PRUNE2: variants seen among roughly 807,000 people sequenced by gnomAD.
The protein encoded by PRUNE2 is prune homolog 2 with BCH domain, also known as protein prune homolog 2.
A neutral mutation model predicts 252.0 loss-of-function variants in PRUNE2; 164 were observed. That is an observed-to-expected ratio of 0.65 (90% CI 0.57 to 0.74). The LOEUF (loss-of-function observed/expected upper bound fraction) is 0.74. Ranked by LOEUF, PRUNE2 falls within the 30% of genes least tolerant of loss-of-function variation. PRUNE2 has a pLI of 0.00. For missense variants in PRUNE2, 3,495 were observed against 3,711.0 expected, an observed-to-expected ratio of 0.94 and a Z score of 1.51; for synonymous variants, 1,292 against 1,350.2, an observed-to-expected ratio of 0.96 and a Z score of 0.94.
At chr9:76,881,886 G>T (rs2061810953) in intron 1 of PRUNE2, among the ~76,000 whole-genome samples, 1 of 152,080 alleles carries the variant, frequency 6.6e-6, no homozygotes, top group African/African-American at 2.4e-5. Flanking sequence ...CTCCCAAAGT[G>T]CTGGGATTAC....
chr9:76,721,689 G>T (rs901955366), intron 6 of PRUNE2, among the ~76,000 whole-genome samples: 7 of 152,152 alleles, frequency 4.6e-5, no homozygotes, highest in Admixed American at 4.6e-4. Context: ...TAACTACCTT[G>T]CAAGCACAGT....
At chr9:76,836,682 A>G (rs1042586342) in intron 4 of PRUNE2, among the ~76,000 whole-genome samples, 2 of 152,182 alleles carry the variant, frequency 1.3e-5, no homozygotes, top group African/African-American at 2.4e-5. Context: ...CAACAGCAAG[A>G]CCTAGCTATT....
chr9:76,677,490 T>C (rs1178210894), intron 9 of PRUNE2, among the ~76,000 whole-genome samples: 2 of 152,202 alleles, frequency 1.3e-5, no homozygotes, highest in Admixed American at 6.5e-5. Flanking sequence ...TCCATCTGGA[T>C]GACCAAACCG....
chr9:76,755,269 C>T (rs2051031888), intron 6 of PRUNE2, among the ~76,000 whole-genome samples: 1 of 152,066 alleles, frequency 6.6e-6, no homozygotes, highest in Non-Finnish European at 1.5e-5. Context: ...TCTTTGATAC[C>T]TAAAGCACTG....
chr9:76,705,083 A>G lies in PRUNE2; in HGVS notation c.7191T>C (p.Asp2397=), dbSNP rs1237182635. The G allele has an allele frequency of 1.9e-6, 3 of 1,614,022 alleles. No homozygotes were observed. The Admixed American group carries it at 5.0e-5, about 27-fold the overall frequency. ...QSLAPYTPPF[D]LSYLTEPAQS... ...GGGCAGGTTCTGTGAGATAAGACAA[A>G]TCAAAGGGAGGTGTGTACGGTGCCA... Residue 2397 remains aspartate, a synonymous_variant, in exon 8 of 19, where the codon GAT becomes GAC. Coordinates refer to ENST00000376718, the MANE Select transcript of PRUNE2 (RefSeq NM_015225.3).
chr9:76,811,066 T>A (rs190703439), intron 6 of PRUNE2, among the ~76,000 whole-genome samples: 18 of 152,236 alleles, frequency 1.2e-4, no homozygotes, highest in African/African-American at 4.3e-4. Context: ...TGAGAAGAAG[T>A]AAGCAACAGC....
intron 9 of PRUNE2, among the ~76,000 whole-genome samples, chr9:76,690,983 G>T (rs1410107549): frequency 6.6e-6 from 1 of 152,124 alleles, no homozygotes; most frequent in Non-Finnish European, 1.5e-5. Context: ...CAATTCCATG[G>T]GTCATTTTTT....
chr9:76,830,203 T>A (rs182674960), intron 4 of PRUNE2, among the ~76,000 whole-genome samples: 1 of 152,164 alleles, frequency 6.6e-6, no homozygotes, highest in Admixed American at 6.5e-5. Flanking sequence ...AATACAGAGA[T>A]GAGCTTAAGA....
chr9:76,632,628 G>A (rs1417340297), intron 15 of PRUNE2, among the ~76,000 whole-genome samples: 1 of 152,134 alleles, frequency 6.6e-6, no homozygotes, highest in Non-Finnish European at 1.5e-5. Context: ...TATGATCATA[G>A]CTCACTACAG....
chr9:76,629,136 C>A (rs946543646), intron 16 of PRUNE2, 56 bp downstream of exon 16: 55 of 1,108,158 alleles, frequency 5.0e-5, no homozygotes, highest in Non-Finnish European at 7.3e-5. Flanking sequence ...AGCCACCACA[C>A]CCAGCCTCAA....
chr9:76,714,560 AATTT>A (rs2046990539), intron 6 of PRUNE2, among the ~76,000 whole-genome samples: 2 of 151,932 alleles, frequency 1.3e-5, no homozygotes, highest in Admixed American at 1.3e-4. Context: ...ATGCCCAGCT[AATTT>A]ATTGTATTTT....
intron 3 of PRUNE2, among the ~76,000 whole-genome samples, chr9:76,848,426 T>G (rs2059782090): frequency 6.6e-6 from 1 of 152,156 alleles, no homozygotes; most frequent in Non-Finnish European, 1.5e-5. Context: ...TCAAACAGCA[T>G]GAAGATAAAA....
At chr9:76,741,838 C>T (rs928650805) in intron 6 of PRUNE2, among the ~76,000 whole-genome samples, 2 of 152,212 alleles carry the variant, frequency 1.3e-5, no homozygotes, top group Admixed American at 6.5e-5. Context: ...TCTACTAAAT[C>T]TGCCTTTCTC....
chr9:76,710,864 G>A lies in PRUNE2; in HGVS notation c.1410C>T (p.Ser470=). The A allele has an allele frequency of 6.5e-7, 1 of 1,545,108 alleles. No homozygotes were observed. The highest frequency in any genetic ancestry group is 8.7e-7 in the Non-Finnish European group (1 of 1,147,968). ...CCGCCACCGCCCCTTCAGGGATGGG[G>A]CTGTAGGAGTCAAGCCCTGGGAGAA... ...HTLLPGLDSY[S]PIPEGAVAEE... Residue 470 remains serine, a synonymous_variant, in exon 8 of 19, where the codon AGC becomes AGT. Coordinates refer to ENST00000376718, the MANE Select transcript of PRUNE2 (RefSeq NM_015225.3).
At chr9:76,807,020 A>G (rs1254893085) in intron 6 of PRUNE2, among the ~76,000 whole-genome samples, 4 of 140,498 alleles carry the variant, frequency 2.8e-5, no homozygotes, top group African/African-American at 5.4e-5. Context: ...ACCTCATACA[A>G]TGTGTGTGTG....
rs748043238 is a variant in PRUNE2, at chr9:76,652,621, T to C, written c.8419A>G (p.Asn2807Asp). Residue 2807 changes from asparagine to aspartate, a missense_variant, in exon 11 of 19, where the codon AAT becomes GAT. By Grantham distance (23) the Asn-to-Asp change is conservative. Transcript: ENST00000376718. Reference protein sequence around the residue: ...HPRRIKLTAPNINLSLDQSEG... With the variant: ...HPRRIKLTAPDINLSLDQSEG... The stretch of plus-strand genomic sequence containing the variant: ...CTTTGGTCCAGAGAAAGATTGATAT[T>C]TGGGGCTGTGAGCTTGATTCTCCGA... 14 of 1,613,182 alleles carry C rather than the reference T, an allele frequency of 8.7e-6. No homozygotes were observed. Among genetic ancestry groups the C allele is most frequent in the African/African-American group, 6.7e-5 (5 of 74,968 alleles).
intron 9 of PRUNE2, among the ~76,000 whole-genome samples, chr9:76,702,876 C>G (rs11145013): frequency 0.054 from 8,172 of 152,256 alleles, 389 homozygotes; most frequent in East Asian, 0.18. Context: ...ACTCTGGTTA[C>G]TTAATTCTAG....
rs566184733 is a variant in PRUNE2 at position 76,826,943 on chromosome 9, T to C, written c.509-211A>G. Among the ~76,000 whole-genome samples, 27 of 152,262 alleles carry C rather than the reference T, an allele frequency of 1.8e-4. 1 individual carries two copies. In the South Asian group the frequency reaches 4.1e-3, roughly 23 times the overall value. On this transcript the variant is annotated intron_variant, in intron 4 of 18. Coordinates refer to ENST00000376718, the MANE Select transcript of PRUNE2 (RefSeq NM_015225.3). ...TCATTATTCTCCAAGTACTGCTCTC[T>C]ACAACTTAACTGACCCTAGCATACT... is the stretch of plus-strand genomic sequence containing the variant.
intron 6 of PRUNE2, among the ~76,000 whole-genome samples, chr9:76,809,564 C>T (rs553722008): frequency 2.0e-5 from 3 of 152,126 alleles, no homozygotes; most frequent in Non-Finnish European, 2.9e-5. Context: ...GACGTGGTCG[C>T]GCGCACCTAT....
Sources: allele counts gnomAD v4.1 joint callset (sites outside exome capture counted in the v4.1 genomes callset), GRCh38; gene constraint gnomAD v4.1.1; transcripts MANE v1.5; gene names NCBI Gene and HGNC (gene_info 2026-07-23, HGNC 2026-07-21).